The following CHST8 variants were observed in gnomAD, a reference collection of about 807,000 sequenced individuals.
The protein encoded by CHST8 is carbohydrate sulfotransferase 8, also known as GALNAC-4-ST1.
In CHST8, 10 loss-of-function variants were observed where a neutral mutation model predicts 15.0. The ratio of observed to expected loss-of-function variants is 0.67; its 90% CI spans 0.41 to 1.13. The LOEUF (loss-of-function observed/expected upper bound fraction) is 1.13. CHST8 is among the 50% of genes most tolerant of loss of function. The pLI, the probability that CHST8 is intolerant of heterozygous loss-of-function variation, is 0.00. For missense variants in CHST8, 634 were observed against 608.2 expected (o/e 1.04, Z -0.45); for synonymous variants, 259 against 256.6 (o/e 1.01, Z -0.09).
intron 3 of CHST8, among the ~76,000 whole-genome samples, chr19:33,761,985 C>T (rs1423260107): frequency 1.3e-5 from 2 of 152,188 alleles, no homozygotes; most frequent in African/African-American, 4.8e-5. Flanking sequence ...ACCCAGGGCA[C>T]GCTACATCAC....
chr19:33,738,303 T>A (rs1974122289), intron 3 of CHST8, among the ~76,000 whole-genome samples: 1 of 152,170 alleles, frequency 6.6e-6, no homozygotes, highest in Admixed American at 6.5e-5. Flanking sequence ...ATTGGGAGAA[T>A]GGAACAATTG....
intron 2 of CHST8, among the ~76,000 whole-genome samples, chr19:33,673,525 C>CTGTCTCT (rs1972769920): frequency 6.6e-6 from 1 of 152,180 alleles, no homozygotes; most frequent in Non-Finnish European, 1.5e-5. Flanking sequence ...GCTCTCTTGT[C>CTGTCTCT]TGTCTGGGGC....
chr19:33,745,456 G>A (rs1005678038), intron 3 of CHST8, among the ~76,000 whole-genome samples: 8 of 152,216 alleles, frequency 5.3e-5, no homozygotes, highest in African/African-American at 1.9e-4. Context: ...ACCAATGCTG[G>A]GGACCTCCTT....
intron 3 of CHST8, among the ~76,000 whole-genome samples, chr19:33,749,049 C>A (rs1178371811): frequency 2.0e-5 from 3 of 152,124 alleles, no homozygotes; most frequent in African/African-American, 7.2e-5. Context: ...AGAGGGACAG[C>A]AGCAAGGGGG....
chr19:33,638,924 AC>A (rs1276740198), intron 1 of CHST8, among the ~76,000 whole-genome samples: 1 of 151,946 alleles, frequency 6.6e-6, no homozygotes, highest in Non-Finnish European at 1.5e-5. Context: ...GATGGGGGGC[AC>A]CCAGAGAATG....
chr19:33,756,955 G>A (rs1974558294), intron 3 of CHST8, among the ~76,000 whole-genome samples: 1 of 152,204 alleles, frequency 6.6e-6, no homozygotes. Flanking sequence ...TGTGGAGGCA[G>A]CCCCGTCTGG....
chr19:33,743,204 T>C lies in CHST8; in HGVS notation c.131-28209T>C, dbSNP rs1448651024. ...GGTGGGGGTATCTTCTAGGCAGTAG[T>C]GGATTTTCCAGCTTTCCCTAGCATG... On this transcript the variant is annotated intron_variant, in intron 3 of 4. Coordinates refer to ENST00000650847, the MANE Select transcript of CHST8 (RefSeq NM_001127895.2). 2.0e-5 allele frequency among the ~76,000 whole-genome samples: 3 copies of C among 152,044 alleles called. No individual in the cohort carries two copies. The East Asian group carries it at 5.8e-4, about 29-fold the overall frequency.
chr19:33,686,611 G>A (rs1186152540), intron 2 of CHST8, among the ~76,000 whole-genome samples: 1 of 152,194 alleles, frequency 6.6e-6, no homozygotes, highest in Non-Finnish European at 1.5e-5. Context: ...TTACCAGGCA[G>A]TTCTGGGCGC....
chr19:33,669,955 T>C (rs1020803147), intron 2 of CHST8, among the ~76,000 whole-genome samples: 6 of 152,216 alleles, frequency 3.9e-5, no homozygotes, highest in Non-Finnish European at 7.3e-5. Flanking sequence ...GTGAGCCGAA[T>C]TGGAAAATAA....
intron 2 of CHST8, among the ~76,000 whole-genome samples, chr19:33,688,559 G>A (rs147738045): frequency 1.8e-3 from 281 of 152,286 alleles, no homozygotes; most frequent in African/African-American, 6.4e-3. Context: ...ACTGTCCAGA[G>A]GGACTGACAT....
At chr19:33,679,520 G>T (rs1294903627) in intron 2 of CHST8, among the ~76,000 whole-genome samples, 3 of 152,208 alleles carry the variant, frequency 2.0e-5, no homozygotes, top group African/African-American at 7.2e-5. Flanking sequence ...CTGTTGCAGG[G>T]ACATTAGCAG....
In CHST8 at chr19:33,675,466, G is replaced by A. The variant is rs76593155; in HGVS notation, c.-87+7623G>A. Among the ~76,000 whole-genome samples the A allele has an allele frequency of 3.2e-3, 493 of 152,340 alleles. 1 individual carries two copies. Among genetic ancestry groups the A allele is most frequent in the African/African-American group, 0.011 (454 of 41,582 alleles). On this transcript the variant is annotated intron_variant, in intron 2 of 4. Transcript: ENST00000650847. ...GTCCCCAGTGACACTGTAGAGCCTC[G>A]ATTTCCCTGATGAGCTGGGTTTTCT... is the stretch of plus-strand genomic sequence containing the variant.
intron 3 of CHST8, among the ~76,000 whole-genome samples, chr19:33,711,833 A>G (rs766443943): frequency 7.9e-5 from 12 of 151,992 alleles, no homozygotes; most frequent in Middle Eastern, 6.8e-3. Flanking sequence ...GGGTTTCACC[A>G]TGTTGGCCAG....
chr19:33,672,217 G>T (rs1029614312), intron 2 of CHST8, among the ~76,000 whole-genome samples: 1 of 152,040 alleles, frequency 6.6e-6, no homozygotes, highest in East Asian at 1.9e-4. Context: ...GTGTGGTGGG[G>T]TATAGAGTCT....
At chr19:33,630,525 T>C (rs1311012598) in intron 1 of CHST8, among the ~76,000 whole-genome samples, 1 of 151,352 alleles carries the variant, frequency 6.6e-6, no homozygotes, top group East Asian at 1.9e-4. Context: ...TCAGGCAGTC[T>C]GTCCACACTG....
At chr19:33,761,677 A>G (rs1337202564) in intron 3 of CHST8, among the ~76,000 whole-genome samples, 1 of 151,668 alleles carries the variant, frequency 6.6e-6, no homozygotes, top group Non-Finnish European at 1.5e-5. Flanking sequence ...ATATATGTAT[A>G]TATTTTTTTA....
intron 2 of CHST8, among the ~76,000 whole-genome samples, chr19:33,680,216 GA>G (rs1266346150): frequency 6.6e-6 from 1 of 152,232 alleles, no homozygotes; most frequent in African/African-American, 2.4e-5. Context: ...AGCTAAATGG[GA>G]TGTTTATGTA....
intron 2 of CHST8, among the ~76,000 whole-genome samples, chr19:33,673,450 G>T (rs1206141104): frequency 6.6e-6 from 1 of 152,168 alleles, no homozygotes. Flanking sequence ...AGTGGTGGAG[G>T]CCAGAGAATG....
At chr19:33,652,369 T>C (rs1366341394) in intron 1 of CHST8, among the ~76,000 whole-genome samples, 4 of 144,686 alleles carry the variant, frequency 2.8e-5, no homozygotes, top group African/African-American at 1.0e-4. Context: ...ATATTTTCTC[T>C]CTCTTTTTTT....
Sources: allele counts gnomAD v4.1 joint callset (sites outside exome capture counted in the v4.1 genomes callset), GRCh38; gene constraint gnomAD v4.1.1; transcripts MANE v1.5; gene names NCBI Gene and HGNC (gene_info 2026-07-23, HGNC 2026-07-21).